Variants in CTBP2 observed in about 807,000 individuals in gnomAD.
CTBP2 encodes the protein C-terminal-binding protein 2.
CTBP2 carries 30 observed loss-of-function variants against 80.3 expected under a neutral mutation model. That is an observed-to-expected ratio of 0.37 (90% CI 0.28 to 0.51). The LOEUF (loss-of-function observed/expected upper bound fraction) is 0.51, where lower values mean the gene tolerates loss of function less well. Among genes scored for constraint, CTBP2 ranks in the 20% least tolerant of loss-of-function variants. CTBP2 has a pLI of 0.93. For missense variants in CTBP2, 1,212 were observed against 1,375.3 expected (o/e 0.88, Z 1.88); for synonymous variants, 594 against 587.4 (o/e 1.01, Z -0.16).
intron 1 of CTBP2, among the ~76,000 whole-genome samples, chr10:125,003,803 C>G (rs1478855444): frequency 6.6e-6 from 1 of 152,154 alleles, no homozygotes; most frequent in East Asian, 1.9e-4. Context: ...AGGACGGGTC[C>G]CTGCACCGCG....
At chr10:125,024,863 C>CA (rs1230325058) in intron 1 of CTBP2, among the ~76,000 whole-genome samples, 2 of 152,126 alleles carry the variant, frequency 1.3e-5, no homozygotes, top group East Asian at 1.9e-4. Context: ...GATCAGACTT[C>CA]AAAAAAATCC....
Position 124,993,244 on chromosome 10 carries a change from T to C in CTBP2, c.2617A>G (p.Met873Val), listed in dbSNP as rs750680470. 3.8e-6 allele frequency: 6 copies of C among 1,593,686 alleles called. No individual in the cohort carries two copies. The highest frequency in any genetic ancestry group is 5.1e-6 in the Non-Finnish European group (6 of 1,165,882). Reference sequence around the variant, plus strand: ...ATCTCGGTGGCAGCTGCCTCCCTCATCTCCAGTGACGCCTGCTCACTGTAC... The same window carrying C: ...ATCTCGGTGGCAGCTGCCTCCCTCACCTCCAGTGACGCCTGCTCACTGTAC... The change falls in exon 7 of 9, where the codon ATG (methionine) becomes GTG (valine). Residue 873 changes from methionine (M) to valine (V), a missense_variant. This residue lies in a region of CTBP2 where 335 missense variants were observed against 504.7 expected (regional missense o/e 0.66). Coordinates refer to ENST00000309035, the MANE Select transcript of CTBP2 (RefSeq NM_022802.3).
intron 1 of CTBP2, among the ~76,000 whole-genome samples, chr10:125,143,125 C>T (rs566186023): frequency 1.3e-5 from 2 of 152,158 alleles, no homozygotes; most frequent in Non-Finnish European, 2.9e-5. Context: ...GCCCGGCAGC[C>T]CCCCCACGAC....
At position 124,989,464 on chromosome 10, in the gene CTBP2, T is replaced by C; in HGVS notation, c.*54A>G. On this transcript the variant is annotated 3_prime_UTR_variant, in exon 9 of 9. Coordinates refer to ENST00000309035, the MANE Select transcript of CTBP2 (RefSeq NM_022802.3). Reference sequence around the variant, plus strand: ...CTTTTTCTCTTAGTTCATCTATTTTTCACTGTCTCTTGGTCCCAAGTGTAT... The same window carrying C: ...CTTTTTCTCTTAGTTCATCTATTTTCCACTGTCTCTTGGTCCCAAGTGTAT... 6.6e-7 allele frequency: 1 copy of C among 1,512,542 alleles called. No individual in the cohort carries two copies. Among genetic ancestry groups the C allele is most frequent in the Non-Finnish European group, 9.2e-7 (1 of 1,089,464 alleles). 93.7% of individuals were successfully genotyped at this position (1,512,542 alleles called of 1,614,324 possible). A position where few individuals can be genotyped will look rare whatever the true frequency, so the allele number is the denominator to read the frequency against.
intron 1 of CTBP2, chr10:125,158,530 C>G (rs190824464): frequency 6.6e-6 from 1 of 152,290 alleles, no homozygotes; most frequent in East Asian, 1.9e-4. Context: ...GAATAGAATT[C>G]TCTTGTCTAT....
chr10:125,032,638 G>A (rs370112488), upstream of CTBP2: 973 of 153,868 alleles, frequency 6.3e-3, 5 homozygotes, highest in African/African-American at 0.022. Context: ...GGAGCGGAGC[G>A]CACCCCTCCC....
chr10:125,081,483 T>C (rs1847162908), intron 2 of CTBP2, among the ~76,000 whole-genome samples: 1 of 152,216 alleles, frequency 6.6e-6, no homozygotes, highest in Admixed American at 6.5e-5. Context: ...CCTTATATAT[T>C]TGCAAATATC....
rs1473969761 is a variant in CTBP2, at chr10:125,096,132, C to T, written c.-102+14858G>A. Among the ~76,000 whole-genome samples, 5 of 152,206 alleles carry T rather than the reference C, an allele frequency of 3.3e-5. No individual in the cohort carries two copies. The East Asian group carries it at 7.7e-4, about 23-fold the overall frequency. On this transcript the variant is annotated intron_variant, in intron 2 of 10. Transcript: ENST00000337195. ...AACACAAAAAAAGCAAAACACAGCACGCACATGGTTGAAATAAGACATGTT... is the reference window on the plus strand; with the variant it reads ...AACACAAAAAAAGCAAAACACAGCATGCACATGGTTGAAATAAGACATGTT...
chr10:125,026,479 G>A lies in CTBP2; in HGVS notation c.1281C>T (p.Gly427=), dbSNP rs1957572961. ...TGGAGGGGAAGTGTGGGGCATGGGT[G>A]CCCACGCCAGGGGCAGAATAGGTGG... The change falls in exon 1 of 9, where the codon GGC becomes GGT. Residue 427 remains glycine (G), a synonymous_variant. Coordinates refer to ENST00000309035, the MANE Select transcript of CTBP2 (RefSeq NM_022802.3). The A allele has an allele frequency of 1.2e-6, 2 of 1,600,418 alleles. No homozygotes were observed.
At chr10:125,154,199 A>G (rs564796635) in intron 1 of CTBP2, among the ~76,000 whole-genome samples, 1 of 152,164 alleles carries the variant, frequency 6.6e-6, no homozygotes, top group Non-Finnish European at 1.5e-5. Flanking sequence ...TTTGTATTTT[A>G]TAAATGAGAA....
At position 125,072,634 on chromosome 10, in the gene CTBP2, GAAAAA is replaced by G. The variant is rs55742060; in HGVS notation, c.-101-33484_-101-33480del. Among the ~76,000 whole-genome samples the G allele has an allele frequency of 3.3e-3, 334 of 100,138 alleles. 2 individuals carry two copies. Among genetic ancestry groups the G allele is most frequent in the African/African-American group, 0.011 (283 of 25,364 alleles). The allele number at this position is 100,138 out of a possible 152,430, so 65.7% of individuals were successfully genotyped here. ...TGAGACTCTGTCTCAAAAAAGAAAAGAAAAAAAAAAAAAAAAAAAAAAAGGAAACT... is the reference window on the plus strand; with the variant it reads ...TGAGACTCTGTCTCAAAAAAGAAAAGAAAAAAAAAAAAAAAAAAGGAAACT... On this transcript the variant is annotated intron_variant, in intron 2 of 10. Transcript: ENST00000337195.
At chr10:125,128,878 G>A (rs1156664758) in intron 1 of CTBP2, among the ~76,000 whole-genome samples, 2 of 152,316 alleles carry the variant, frequency 1.3e-5, no homozygotes, top group Admixed American at 6.5e-5. Flanking sequence ...TCAGAATAGC[G>A]AAAAGCTGGA....
intron 2 of CTBP2, among the ~76,000 whole-genome samples, chr10:125,071,508 G>A (rs894720323): frequency 8.5e-5 from 13 of 152,194 alleles, no homozygotes; most frequent in African/African-American, 2.9e-4. Flanking sequence ...GGAACAAGGC[G>A]AAGGGGTCCC....
intron 1 of CTBP2, among the ~76,000 whole-genome samples, chr10:125,130,611 A>G (rs1163128797): frequency 6.6e-6 from 1 of 152,244 alleles, no homozygotes; most frequent in Non-Finnish European, 1.5e-5. Context: ...CTTTTAAAGT[A>G]TTAAGTATAG....
At chr10:125,159,555 G>A (rs1861583178) in intron 1 of CTBP2, among the ~76,000 whole-genome samples, 1 of 150,032 alleles carries the variant, frequency 6.7e-6, no homozygotes, top group African/African-American at 2.4e-5. Context: ...ACAATGCGGG[G>A]CCGGCAAAAC....
rs777886974 is a variant in CTBP2, at chr10:125,027,533, T to C, written c.227A>G (p.Tyr76Cys). 13 of 1,613,954 alleles carry C rather than the reference T, an allele frequency of 8.1e-6. No individual in the cohort carries two copies. Among genetic ancestry groups the C allele is most frequent in the Admixed American group, 1.7e-5 (1 of 59,994 alleles). The change falls in exon 1 of 9, where the codon TAT (tyrosine) becomes TGT (cysteine). Residue 76 changes from tyrosine (Y) to cysteine (C), a missense_variant. Coordinates refer to ENST00000309035, the MANE Select transcript of CTBP2 (RefSeq NM_022802.3). ...CCCCTTTCTTGCAGCCACTGAGTTA[T>C]AAACGGCCTCCCGGTACAGGTAGGG... is the stretch of plus-strand genomic sequence containing the variant.
chr10:125,011,779 C>T (rs150557385), intron 1 of CTBP2, among the ~76,000 whole-genome samples: 4 of 152,178 alleles, frequency 2.6e-5, no homozygotes, highest in East Asian at 3.8e-4. Flanking sequence ...AGCTATTTCC[C>T]GGTTTGTAAT....
intron 1 of CTBP2, among the ~76,000 whole-genome samples, chr10:125,010,277 C>T (rs771837165): frequency 2.7e-5 from 4 of 146,388 alleles, no homozygotes; most frequent in African/African-American, 1.0e-4. Flanking sequence ...TTTGTTTCTA[C>T]GTTGTTATCT....
rs1008363803 is a variant in CTBP2 at position 125,062,510 on chromosome 10, G to A, written c.-101-23355C>T. 7.9e-5 allele frequency among the ~76,000 whole-genome samples: 12 copies of A among 152,244 alleles called. No individual in the cohort carries two copies. The East Asian group carries it at 2.3e-3, about 29-fold the overall frequency. ...GACAGCAGACACCCGCTGGCAGCAC[G>A]CAGCAGAACTCAGCGCGAGGGGTTA... On this transcript the variant is annotated intron_variant, in intron 2 of 10. Transcript: ENST00000337195.
Sources: allele counts gnomAD v4.1 joint callset (sites outside exome capture counted in the v4.1 genomes callset), GRCh38; gene constraint gnomAD v4.1.1; regional missense constraint gnomAD v4.1.1; transcripts MANE v1.5; gene names NCBI Gene and HGNC (gene_info 2026-07-23, HGNC 2026-07-21).